The following DUSP29 variants were observed in gnomAD, a reference collection of about 807,000 sequenced individuals.
DUSP29 encodes atypical dual-specific protein phosphatase.
DUSP29 carries 12 observed loss-of-function variants against 13.5 expected under a neutral mutation model. The ratio of observed to expected loss-of-function variants is 0.89; its 90% CI spans 0.57 to 1.44. DUSP29 has a LOEUF of 1.44. Among genes scored for constraint, DUSP29 ranks in the 40% most tolerant of loss-of-function variants. DUSP29 has a pLI of 0.00. For synonymous variants in DUSP29, 134 were observed against 128.7 expected (o/e 1.04, Z -0.28); for missense variants, 308 against 301.1 (o/e 1.02, Z -0.17).
At chr10:75,038,117 G>A in intron 3 of DUSP29, 40 bp from the exon 4 acceptor site, 1 of 1,589,272 alleles carries the variant, frequency 6.3e-7, no homozygotes, top group Non-Finnish European at 8.6e-7. Flanking sequence ...ACACTGAGGG[G>A]CAGGTGTTGG....
intron 1 of DUSP29, among the ~76,000 whole-genome samples, chr10:75,060,074 C>T (rs796309064): frequency 1.3e-4 from 20 of 151,048 alleles, no homozygotes; most frequent in African/African-American, 3.7e-4. Context: ...GCAGGAGAAT[C>T]GCTTGAACCT....
At chr10:75,062,556 G>C (rs1190156594) in intron 1 of DUSP29, among the ~76,000 whole-genome samples, 1 of 152,158 alleles carries the variant, frequency 6.6e-6, no homozygotes, top group Non-Finnish European at 1.5e-5. Flanking sequence ...TGAGCCCTGG[G>C]ATCTATTATC....
At chr10:75,057,663 G>T (rs1846989869) in intron 2 of DUSP29, among the ~76,000 whole-genome samples, 1 of 152,094 alleles carries the variant, frequency 6.6e-6, no homozygotes, top group African/African-American at 2.4e-5. Context: ...TTTACAGTAG[G>T]TGCATCTCAG....
chr10:75,058,215 G>A (rs982487658), intron 2 of DUSP29, 100 bp downstream of exon 2: 1 of 1,392,776 alleles, frequency 7.2e-7, no homozygotes, highest in South Asian at 1.4e-5. Context: ...CTCACAGAAC[G>A]ACTACAAATT....
intron 2 of DUSP29, among the ~76,000 whole-genome samples, chr10:75,049,482 A>G (rs1467879679): frequency 6.6e-6 from 1 of 152,232 alleles, no homozygotes; most frequent in Non-Finnish European, 1.5e-5. Flanking sequence ...GGCAATGAGA[A>G]GGCCAGGCCA....
At chr10:75,056,389 A>G (rs572284762) in intron 2 of DUSP29, among the ~76,000 whole-genome samples, 113 of 152,058 alleles carry the variant, frequency 7.4e-4, no homozygotes, top group African/African-American at 2.6e-3. Flanking sequence ...TCAGTCAGGT[A>G]TAGTGGCAGG....
At chr10:75,038,437 C>A (rs1327078727) in intron 3 of DUSP29, among the ~76,000 whole-genome samples, 2 of 152,138 alleles carry the variant, frequency 1.3e-5, no homozygotes, top group Non-Finnish European at 1.5e-5. Flanking sequence ...CAGGTTCTCC[C>A]TGGCATGACC....
At chr10:75,046,821 G>A (rs375326703) in intron 2 of DUSP29, among the ~76,000 whole-genome samples, 47 of 152,276 alleles carry the variant, frequency 3.1e-4, no homozygotes, top group Middle Eastern at 6.8e-3. Flanking sequence ...TAAAGCCGCC[G>A]CTAATGCAGT....
rs1282475679 is a variant in DUSP29 at position 75,073,444 on chromosome 10, G to A, written c.-35+125C>T. The stretch of plus-strand genomic sequence containing the variant: ...CAAGAAACCTTTCACACTAGAAGGA[G>A]GTCGGCTATTCCCCACAGCACCAGG... On this transcript the variant is annotated intron_variant, in intron 1 of 3. Transcript: ENST00000338487. Among the ~76,000 whole-genome samples the A allele has an allele frequency of 3.9e-5, 6 of 152,336 alleles. No individual in the cohort carries two copies. In the East Asian group the frequency reaches 1.2e-3, roughly 29 times the overall value.
At chr10:75,066,700 C>T (rs951623367) in intron 1 of DUSP29, among the ~76,000 whole-genome samples, 3 of 152,054 alleles carry the variant, frequency 2.0e-5, no homozygotes, top group Non-Finnish European at 4.4e-5. Flanking sequence ...ACCCCCGGGC[C>T]GAGGCAGGAA....
rs544364282 is a variant in DUSP29 at position 75,066,787 on chromosome 10, G to GC, written c.-35+6781dup. Among the ~76,000 whole-genome samples the GC allele has an allele frequency of 6.6e-5, 10 of 152,174 alleles. No individual in the cohort carries two copies. The South Asian group carries it at 2.1e-3, about 32-fold the overall frequency. ...ACCGAGTGCCTCCTGTCAAGTGGGA[G>GC]CCCCCCGAAGGCAGCTCTGTGTCCT... On this transcript the variant is annotated intron_variant, in intron 1 of 3. Coordinates refer to ENST00000338487, the MANE Select transcript of DUSP29 (RefSeq NM_001003892.3).
intron 2 of DUSP29, among the ~76,000 whole-genome samples, chr10:75,057,379 C>T (rs1219998426): frequency 1.3e-5 from 2 of 152,080 alleles, no homozygotes; most frequent in Admixed American, 1.3e-4. Context: ...GGCTGGAGTC[C>T]GGGAGAGTGG....
chr10:75,056,406 T>C (rs968643371), intron 2 of DUSP29, among the ~76,000 whole-genome samples: 6 of 151,906 alleles, frequency 3.9e-5, no homozygotes, highest in Admixed American at 3.3e-4. Context: ...CAGGTGTCTG[T>C]TACTCTTGCT....
At chr10:75,047,979 G>A (rs1338594832) in intron 2 of DUSP29, among the ~76,000 whole-genome samples, 2 of 152,080 alleles carry the variant, frequency 1.3e-5, no homozygotes, top group Non-Finnish European at 2.9e-5. Context: ...ACATCTTCCT[G>A]TGGCAACATA....
In DUSP29 at chr10:75,037,959, G is replaced by C; in HGVS notation, c.540C>G (p.Asn180Lys). 1 of 1,613,964 alleles carries C rather than the reference G, an allele frequency of 6.2e-7. No homozygotes were observed. Among genetic ancestry groups the C allele is most frequent in the Non-Finnish European group, 8.5e-7 (1 of 1,180,034 alleles). ...LVDAIQQVAKNRCVLPNRGFL... is the reference protein window; with the variant it reads ...LVDAIQQVAKKRCVLPNRGFL... ...AGCCCCGGTTCGGGAGGACGCAGCG[G>C]TTCTTGGCCACTTGCTGGATGGCGT... The change falls in exon 4 of 4, where the codon AAC becomes AAG. Residue 180 changes from asparagine (N) to lysine (K), a missense_variant. Transcript: ENST00000338487.
chr10:75,042,921 G>C (rs1276871236), intron 3 of DUSP29, among the ~76,000 whole-genome samples: 1 of 152,264 alleles, frequency 6.6e-6, no homozygotes, highest in Non-Finnish European at 1.5e-5. Flanking sequence ...GGCCTCTGTG[G>C]AATTCCACTG....
chr10:75,048,354 T>A (rs1222462803), intron 2 of DUSP29, among the ~76,000 whole-genome samples: 4 of 152,140 alleles, frequency 2.6e-5, no homozygotes, highest in African/African-American at 9.7e-5. Context: ...ACCTTTTTTT[T>A]ACTCTTCCCA....
chr10:75,068,164 C>T (rs534155702), intron 1 of DUSP29, among the ~76,000 whole-genome samples: 1 of 152,228 alleles, frequency 6.6e-6, no homozygotes, highest in African/African-American at 2.4e-5. Context: ...AAAGTTACCA[C>T]CTTAGCATTT....
At chr10:75,069,957 T>C (rs1847287393) in intron 1 of DUSP29, among the ~76,000 whole-genome samples, 1 of 149,490 alleles carries the variant, frequency 6.7e-6, no homozygotes, top group African/African-American at 2.5e-5. Context: ...GGCTGAGGTA[T>C]GAGAATCACT....
Sources: allele counts gnomAD v4.1 joint callset (sites outside exome capture counted in the v4.1 genomes callset), GRCh38; gene constraint gnomAD v4.1.1; transcripts MANE v1.5; gene names NCBI Gene and HGNC (gene_info 2026-07-23, HGNC 2026-07-21).